ZNF91: variants seen among roughly 807,000 people sequenced by gnomAD.
The protein encoded by ZNF91 is zinc finger protein 91 (HPF7, HTF10).
ZNF91 carries 7 observed loss-of-function variants against 12.6 expected under a neutral mutation model. That is an observed-to-expected ratio of 0.55 (90% confidence interval 0.31 to 1.04). The LOEUF (loss-of-function observed/expected upper bound fraction) is 1.04. Among genes scored for constraint, ZNF91 ranks in the 50% least tolerant of loss-of-function variants. The probability of loss-of-function intolerance (pLI) is 0.05; values close to 1 mark genes in which losing one functional copy is unlikely to be tolerated. For missense variants in ZNF91, 1,217 were observed against 1,385.4 expected (o/e 0.88, Z 1.93); for synonymous variants, 453 against 462.6 (o/e 0.98, Z 0.27).
chr19:23,328,132 C>T (rs1967869294), intron 1 of ZNF91: 1 of 152,008 alleles, frequency 6.6e-6, no homozygotes, highest in Non-Finnish European at 1.5e-5. Flanking sequence ...GTCTTTACCA[C>T]CAAGCCTACC....
chr19:23,317,706 C>T (rs1480611155), intron 1 of ZNF91, among the ~76,000 whole-genome samples: 1 of 152,084 alleles, frequency 6.6e-6, no homozygotes, highest in African/African-American at 2.4e-5. Context: ...GGATCCAGTC[C>T]ACAGGTAGGC....
intron 3 of ZNF91, chr19:23,340,145 A>G (rs1234192063): frequency 1.3e-5 from 2 of 152,124 alleles, no homozygotes; most frequent in African/African-American, 4.8e-5. Context: ...TAGAAAATTA[A>G]TAACAAATCA....
chr19:23,363,273 G>C (rs1219888799), intron 3 of ZNF91, among the ~76,000 whole-genome samples: 1 of 152,116 alleles, frequency 6.6e-6, no homozygotes, highest in East Asian at 1.9e-4. Context: ...CAGCTTTTAG[G>C]GGCTTTTCCT....
chr19:23,393,727 C>T (rs910762145), intron 1 of ZNF91, among the ~76,000 whole-genome samples: 5 of 152,142 alleles, frequency 3.3e-5, no homozygotes, highest in African/African-American at 1.2e-4. Context: ...TGGCCAGATG[C>T]GGTGGCTCAC....
chr19:23,318,240 C>G (rs957041994), intron 1 of ZNF91, among the ~76,000 whole-genome samples: 1 of 152,172 alleles, frequency 6.6e-6, no homozygotes, highest in African/African-American at 2.4e-5. Flanking sequence ...TGATATATTA[C>G]TGGGTCCAAA....
At chr19:23,353,689 C>T (rs1478001026), downstream of ZNF91, among the ~76,000 whole-genome samples, 1 of 151,986 alleles carries the variant, frequency 6.6e-6, no homozygotes, top group African/African-American at 2.4e-5. Flanking sequence ...ATAAATAAAA[C>T]TGATAGACCA....
chr19:23,348,878 TG>T (rs1235353900), intron 3 of ZNF91, among the ~76,000 whole-genome samples: 1 of 152,120 alleles, frequency 6.6e-6, no homozygotes, highest in East Asian at 1.9e-4. Flanking sequence ...TTAATAACCC[TG>T]GGGAAGGAAT....
intron 3 of ZNF91, among the ~76,000 whole-genome samples, chr19:23,368,802 G>T (rs574697026): frequency 2.0e-5 from 3 of 150,718 alleles, no homozygotes; most frequent in Non-Finnish European, 4.4e-5. Flanking sequence ...TTTTAAAACG[G>T]AACAATAAAG....
chr19:23,339,344 G>A (rs1968078915), intron 3 of ZNF91: 1 of 151,926 alleles, frequency 6.6e-6, no homozygotes, highest in Non-Finnish European at 1.5e-5. Context: ...AAATATATAT[G>A]AACCCAACAT....
At chr19:23,340,673 G>A (rs1968103607) in intron 3 of ZNF91, among the ~76,000 whole-genome samples, 1 of 151,604 alleles carries the variant, frequency 6.6e-6, no homozygotes, top group Non-Finnish European at 1.5e-5. Context: ...GTCACTCAGA[G>A]GTCAGTATCA....
At chr19:23,315,362 G>A (rs1318473429), upstream of ZNF91, among the ~76,000 whole-genome samples, 1 of 152,106 alleles carries the variant, frequency 6.6e-6, no homozygotes, top group Non-Finnish European at 1.5e-5. Flanking sequence ...GTTTTACCTG[G>A]ACTCTGCCCA....
downstream of ZNF91, among the ~76,000 whole-genome samples, chr19:23,356,393 T>A (rs1044442490): frequency 6.6e-6 from 1 of 152,076 alleles, no homozygotes; most frequent in South Asian, 2.1e-4. Flanking sequence ...CACATACATA[T>A]ATATATGTTG....
At position 23,367,254 on chromosome 19, in the gene ZNF91, T is replaced by C. The variant is rs73565032; in HGVS notation, c.254-4529A>G. Among the ~76,000 whole-genome samples, 624 of 152,268 alleles carry C rather than the reference T, an allele frequency of 4.1e-3. 3 individuals are homozygous for C. The highest frequency in any genetic ancestry group is 0.014 in the African/African-American group (597 of 41,534). On this transcript the variant is annotated intron_variant, in intron 3 of 3. Transcript: ENST00000300619. ...CTGCAGTGAGTCAAGATTATGCCAA[T>C]ACACTCCAGCCTGGGTGACAGAGTA...
chr19:23,331,645 A>G (rs570545133), intron 1 of ZNF91, among the ~76,000 whole-genome samples: 1 of 152,156 alleles, frequency 6.6e-6, no homozygotes, highest in Non-Finnish European at 1.5e-5. Context: ...CTCTAGATGT[A>G]GATGTGGTGA....
At chr19:23,322,149 T>C (rs1967709545) in intron 1 of ZNF91, among the ~76,000 whole-genome samples, 1 of 152,200 alleles carries the variant, frequency 6.6e-6, no homozygotes, top group Non-Finnish European at 1.5e-5. Context: ...TAGCTGGCTG[T>C]AGCCCCTAGG....
At chr19:23,380,248 T>TGG (rs201797129) in intron 1 of ZNF91, 1 of 91,202 alleles carries the variant, frequency 1.1e-5, no homozygotes, top group African/African-American at 4.2e-5. Context: ...GCCTGGGCAA[T>TGG]GGGGGGAAAA....
chr19:23,381,072 A>G (rs1969697530), intron 1 of ZNF91, among the ~76,000 whole-genome samples: 2 of 152,228 alleles, frequency 1.3e-5, no homozygotes, highest in African/African-American at 4.8e-5. Flanking sequence ...TTAAATTAAT[A>G]AGTATATCAG....
At position 23,360,514 on chromosome 19, in the gene ZNF91, C is replaced by G; in HGVS notation, c.2465G>C (p.Gly822Ala). 2.5e-6 allele frequency: 4 copies of G among 1,613,424 alleles called. No individual in the cohort carries two copies. Among genetic ancestry groups the G allele is most frequent in the Non-Finnish European group, 3.4e-6 (4 of 1,179,838 alleles). Residue 822 changes from glycine to alanine, a missense_variant, in exon 4 of 4, where the codon GGA (glycine) becomes GCA (alanine). Physicochemically the swap from Gly to Ala is moderately conservative, Grantham distance 60 (BLOSUM62 0). Coordinates refer to ENST00000300619, the MANE Select transcript of ZNF91 (RefSeq NM_003430.4). Reference sequence around the variant, plus strand: ...TTCTTTACATTTGTAGGGTTTCTCTCCAGTATGAATTGTCTTATGCTTAGT... The same window carrying G: ...TTCTTTACATTTGTAGGGTTTCTCTGCAGTATGAATTGTCTTATGCTTAGT... ...TLTKHKTIHT[G>A]EKPYKCKECG... is the part of the protein sequence containing the mutation.
chr19:23,305,627 G>A (rs746538945), intron 3 of ZNF91, among the ~76,000 whole-genome samples: 2 of 152,100 alleles, frequency 1.3e-5, no homozygotes, highest in Non-Finnish European at 2.9e-5. Context: ...CCAGTCAGCC[G>A]ATATTTGAGC....
Sources: allele counts gnomAD v4.1 joint callset (sites outside exome capture counted in the v4.1 genomes callset), GRCh38; gene constraint gnomAD v4.1.1; transcripts MANE v1.5; gene names NCBI Gene and HGNC (gene_info 2026-07-23, HGNC 2026-07-21).